Variants in UBE2G2 observed in about 807,000 individuals in gnomAD.
UBE2G2 encodes the protein ubiquitin conjugating enzyme E2 G2, also known as ubiquitin-conjugating enzyme E2 G2.
In UBE2G2, 10 loss-of-function variants were observed where a neutral mutation model predicts 23.0. The ratio of observed to expected loss-of-function variants is 0.43; its 90% CI spans 0.27 to 0.74. The LOEUF is 0.74. UBE2G2 is among the 30% of genes least tolerant of loss of function. The probability of loss-of-function intolerance (pLI) is 0.19; values close to 1 mark genes in which losing one functional copy is unlikely to be tolerated. For missense variants in UBE2G2, 150 were observed against 218.3 expected (o/e 0.69, Z 1.97); for synonymous variants, 86 against 81.3 (o/e 1.06, Z -0.31).
chr21:44,780,143 T>C (rs1213514052), intron 3 of UBE2G2, among the ~76,000 whole-genome samples: 3 of 152,240 alleles, frequency 2.0e-5, no homozygotes, highest in African/African-American at 7.2e-5. Context: ...GACCAAACAT[T>C]TCCTGAAGTG....
chr21:44,791,387 G>A (rs1047010701), intron 1 of UBE2G2, among the ~76,000 whole-genome samples: 2 of 152,094 alleles, frequency 1.3e-5, no homozygotes, highest in Non-Finnish European at 2.9e-5. Context: ...GCCCAGCCCC[G>A]CTGCTACTCT....
intron 1 of UBE2G2, among the ~76,000 whole-genome samples, chr21:44,792,362 A>G (rs1601194944): frequency 6.6e-6 from 1 of 152,274 alleles, no homozygotes; most frequent in South Asian, 2.1e-4. Context: ...CTTGACTTGT[A>G]ATCCCCAAAG....
At chr21:44,792,978 C>CT (rs2083057290) in intron 1 of UBE2G2, among the ~76,000 whole-genome samples, 1 of 152,224 alleles carries the variant, frequency 6.6e-6, no homozygotes, top group African/African-American at 2.4e-5. Context: ...ACCAAGCCGA[C>CT]TAAGACCTTG....
intron 5 of UBE2G2, among the ~76,000 whole-genome samples, chr21:44,773,170 T>TA (rs1428367638): frequency 2.6e-5 from 4 of 152,172 alleles, no homozygotes; most frequent in Non-Finnish European, 5.9e-5. Flanking sequence ...CACTGGCCTC[T>TA]AACTGCTGGT....
At chr21:44,776,225 C>T (rs1461418817) in intron 4 of UBE2G2, among the ~76,000 whole-genome samples, 3 of 152,218 alleles carry the variant, frequency 2.0e-5, no homozygotes, top group Middle Eastern at 3.4e-3. Context: ...ATTCCTACTA[C>T]TGGACACATT....
intron 1 of UBE2G2, chr21:44,801,276 A>G (rs782445745): frequency 2.4e-5 from 24 of 1,006,014 alleles, no homozygotes; most frequent in Non-Finnish European, 2.8e-5. Flanking sequence ...GGAAAGCCAA[A>G]ATCTGACCTT....
chr21:44,779,371 T>TGGGGGGGGG (rs375243003), intron 3 of UBE2G2, among the ~76,000 whole-genome samples: 1 of 75,406 alleles, frequency 1.3e-5, no homozygotes, highest in African/African-American at 5.8e-5. Context: ...GGAGCTGGGG[T>TGGGGGGGGG]GGGGGGGGGG....
In UBE2G2 at chr21:44,770,812, GTAATATA is replaced by G. The variant is rs2082867489; in HGVS notation, c.*558_*564del. The G allele has an allele frequency of 6.6e-6, 1 of 152,354 alleles. No homozygotes were observed. The highest frequency in any genetic ancestry group is 1.9e-4 in the East Asian group (1 of 5,194). 9.4% of individuals were successfully genotyped at this position (152,354 alleles called of 1,614,324 possible). A position where few individuals can be genotyped will look rare whatever the true frequency, so the allele number is the denominator to read the frequency against. On this transcript the variant is annotated 3_prime_UTR_variant, in exon 6 of 6. Coordinates refer to ENST00000345496, the MANE Select transcript of UBE2G2 (RefSeq NM_003343.6). ...GAAGTATTTCTAAGTGTGATGGTTT[GTAATATA>G]TAACAAATGAAAAGATGTAATTAGA...
At position 44,795,639 on chromosome 21, in the gene UBE2G2, AAAAG is replaced by A. The variant is rs200177196; in HGVS notation, c.43+6063_43+6066del. Among the ~76,000 whole-genome samples, 1,348 of 152,142 alleles carry A rather than the reference AAAAG, an allele frequency of 8.9e-3. 18 individuals carry two copies. The highest frequency in any genetic ancestry group is 0.029 in the African/African-American group (1,210 of 41,458). ...AGAGTGAGAACCTGTCTCAAAAAAAAAAAGAAAGAAAGAAAGAAAAAAGAAAACA... is the reference window on the plus strand; with the variant it reads ...AGAGTGAGAACCTGTCTCAAAAAAAAAAAGAAAGAAAGAAAAAAGAAAACA... On this transcript the variant is annotated intron_variant, in intron 1 of 5. Coordinates refer to ENST00000345496, the MANE Select transcript of UBE2G2 (RefSeq NM_003343.6).
chr21:44,789,437 C>T (rs1465668427), intron 1 of UBE2G2, among the ~76,000 whole-genome samples: 1 of 149,796 alleles, frequency 6.7e-6, no homozygotes, highest in African/African-American at 2.5e-5. Context: ...TATGAGTTAC[C>T]AAGCCTTCCT....
intron 1 of UBE2G2, among the ~76,000 whole-genome samples, chr21:44,798,997 A>G (rs1289422677): frequency 2.0e-5 from 3 of 152,222 alleles, no homozygotes; most frequent in Non-Finnish European, 4.4e-5. Context: ...GCAGGCACAA[A>G]AACATTTATC....
At chr21:44,795,430 G>A (rs1023360520) in intron 1 of UBE2G2, among the ~76,000 whole-genome samples, 6 of 152,136 alleles carry the variant, frequency 3.9e-5, no homozygotes, top group South Asian at 2.1e-4. Context: ...CCACGAGTTC[G>A]AGACAAGCCT....
At chr21:44,773,397 G>T in intron 5 of UBE2G2, 150 bp downstream of exon 5, 1 of 1,029,970 alleles carries the variant, frequency 9.7e-7, no homozygotes. Context: ...AATTGGAAAA[G>T]TGTAGGCAGA....
chr21:44,801,704 AC>A lies in UBE2G2; in HGVS notation c.43+1del. ...GCTGACGGCCCGGGTCCCCAGACTC[AC>A]GTTTGTACTCGGCCATCAGCCTCTT... On this transcript the variant is annotated splice_donor_variant, in intron 1 of 5. Transcript: ENST00000345496. LOFTEE classifies it high-confidence loss of function. The A allele has an allele frequency of 6.6e-7, 1 of 1,516,466 alleles. No homozygotes were observed. Among genetic ancestry groups the A allele is most frequent in the Non-Finnish European group, 8.8e-7 (1 of 1,134,138 alleles). The allele number at this position is 1,516,466 out of a possible 1,614,324, so 93.9% of individuals were successfully genotyped here. A position where few individuals can be genotyped will look rare whatever the true frequency, so the allele number is the denominator to read the frequency against.
intron 2 of UBE2G2, 46 bp from the exon 3 acceptor site, chr21:44,788,011 C>A: frequency 6.2e-7 from 1 of 1,610,644 alleles, no homozygotes; most frequent in Non-Finnish European, 8.5e-7. Context: ...TTTGAAGGAA[C>A]TTTGGCAATT....
intron 1 of UBE2G2, among the ~76,000 whole-genome samples, chr21:44,798,574 G>C (rs2083111890): frequency 6.6e-6 from 1 of 152,220 alleles, no homozygotes. Flanking sequence ...ACCAGGAGTA[G>C]ATTCCATCTC....
chr21:44,784,682 C>T (rs1203555583), intron 3 of UBE2G2, among the ~76,000 whole-genome samples: 1 of 152,122 alleles, frequency 6.6e-6, no homozygotes, highest in African/African-American at 2.4e-5. Context: ...GTAGAAGCCG[C>T]GGCAGCCTGG....
intron 1 of UBE2G2, among the ~76,000 whole-genome samples, chr21:44,798,247 G>A (rs541721463): frequency 9.2e-5 from 14 of 152,316 alleles, no homozygotes; most frequent in African/African-American, 2.6e-4. Context: ...CCTTCAGCAG[G>A]TCATAATCTT....
intron 4 of UBE2G2, chr21:44,773,932 C>T (rs1417462758): frequency 3.7e-5 from 15 of 410,366 alleles, no homozygotes; most frequent in Admixed American, 8.6e-5. Flanking sequence ...CTGTCGTAGT[C>T]TAATCCACTT....
Sources: gnomAD v4.1 joint callset for allele counts (sites outside exome capture counted in the v4.1 genomes callset) on GRCh38, gnomAD v4.1.1 for gene constraint, MANE v1.5 for transcripts, NCBI Gene and HGNC (gene_info 2026-07-23, HGNC 2026-07-21) for gene names.